OSTM1: variants seen among roughly 807,000 people sequenced by gnomAD.
OSTM1 encodes osteopetrosis-associated transmembrane protein 1.
OSTM1 carries 26 observed loss-of-function variants against 35.4 expected under a neutral mutation model. That is an observed-to-expected ratio of 0.73 (90% CI 0.54 to 1.02). OSTM1 has a LOEUF of 1.02. OSTM1 is among the 50% of genes least tolerant of loss of function. OSTM1 has a pLI of 0.00. For synonymous variants in OSTM1, 181 were observed against 165.0 expected, an observed-to-expected ratio of 1.10 and a Z score of -0.75; for missense variants, 366 against 409.6, an observed-to-expected ratio of 0.89 and a Z score of 0.92.
chr6:108,064,134 A>G (rs1421708707), intron 2 of OSTM1, 51 bp downstream of exon 2: 4 of 904,846 alleles, frequency 4.4e-6, no homozygotes, highest in South Asian at 1.3e-5. Context: ...AAAATCTGAC[A>G]TCTGTACTAC....
At chr6:108,050,953 A>C (rs1424813004) in intron 4 of OSTM1, 78 bp downstream of exon 4, 1 of 1,215,310 alleles carries the variant, frequency 8.2e-7, no homozygotes, top group Non-Finnish European at 1.2e-6. Context: ...CCACCCTATC[A>C]CCAAAAATAA....
At chr6:108,061,144 C>G (rs1433806450) in intron 2 of OSTM1, among the ~76,000 whole-genome samples, 1 of 141,116 alleles carries the variant, frequency 7.1e-6, no homozygotes, top group Non-Finnish European at 1.5e-5. Flanking sequence ...AAAGGATATG[C>G]TAAAAAAAAA....
At chr6:108,045,606 A>G (rs1771954121) in intron 5 of OSTM1, among the ~76,000 whole-genome samples, 1 of 152,192 alleles carries the variant, frequency 6.6e-6, no homozygotes, top group Admixed American at 6.5e-5. Flanking sequence ...CCTCAAAGAA[A>G]AGTGAGTTTT....
Position 108,049,282 on chromosome 6 carries a change from G to A in OSTM1, c.920C>T (p.Ser307Leu). Residue 307 changes from serine (S) to leucine (L), a missense_variant, in exon 5 of 6, where the codon TCA becomes TTA. Physicochemically the swap from Ser to Leu is moderately radical, Grantham distance 145 (BLOSUM62 -2). This residue lies in a region of OSTM1 where 125 missense variants were observed against 151.7 expected (regional missense o/e 0.82). Transcript: ENST00000193322. The part of the protein sequence containing the change: ...VVFYLSSFLH[S>L]EQKKRKLILP... The stretch of plus-strand genomic sequence containing the variant: ...AATGAGTTTGCGTTTCTTTTGCTCT[G>A]AGTGAAGAAAGCTACTAAGGTAGAA... 1 of 1,612,680 alleles carries A rather than the reference G, an allele frequency of 6.2e-7. No individual in the cohort carries two copies. The highest frequency in any genetic ancestry group is 8.5e-7 in the Non-Finnish European group (1 of 1,178,866).
At chr6:108,057,102 T>C (rs1451488848) in intron 2 of OSTM1, among the ~76,000 whole-genome samples, 1 of 151,994 alleles carries the variant, frequency 6.6e-6, no homozygotes, top group Non-Finnish European at 1.5e-5. Context: ...GTGGCGTGCA[T>C]CTGTGGTCCC....
intron 2 of OSTM1, among the ~76,000 whole-genome samples, chr6:108,054,856 A>G (rs1417398322): frequency 6.6e-6 from 1 of 152,250 alleles, no homozygotes; most frequent in East Asian, 1.9e-4. Context: ...TGATGGCACA[A>G]GGTCATAATC....
chr6:108,072,480 A>G (rs1772501689), intron 1 of OSTM1, among the ~76,000 whole-genome samples: 2 of 151,924 alleles, frequency 1.3e-5, no homozygotes, highest in Non-Finnish European at 2.9e-5. Context: ...TAAAAATACA[A>G]TAATTAGTTA....
chr6:108,071,717 T>G (rs961603282), intron 1 of OSTM1, among the ~76,000 whole-genome samples: 6 of 152,284 alleles, frequency 3.9e-5, no homozygotes, highest in Admixed American at 6.5e-5. Context: ...ACTTTTGAGC[T>G]AATGAATCAT....
At chr6:108,067,106 C>T (rs1447978549) in intron 1 of OSTM1, among the ~76,000 whole-genome samples, 2 of 152,202 alleles carry the variant, frequency 1.3e-5, no homozygotes, top group African/African-American at 4.8e-5. Flanking sequence ...GTACTCCTCA[C>T]TTTTCTGTCT....
intron 2 of OSTM1, among the ~76,000 whole-genome samples, chr6:108,061,262 A>G (rs973877160): frequency 3.9e-5 from 6 of 152,134 alleles, no homozygotes; most frequent in African/African-American, 1.4e-4. Context: ...ATCCCATTTT[A>G]GTTTTTCTTC....
At chr6:108,049,471 T>C in intron 4 of OSTM1, 53 bp from the exon 5 acceptor site, 1 of 1,596,980 alleles carries the variant, frequency 6.3e-7, no homozygotes. Flanking sequence ...TTGTCTTCAA[T>C]TTCTTATAAT....
intron 3 of OSTM1, among the ~76,000 whole-genome samples, chr6:108,053,128 C>G (rs893421676): frequency 2.0e-5 from 3 of 152,306 alleles, no homozygotes; most frequent in East Asian, 3.9e-4. Context: ...ATAATTTTCT[C>G]TAGTGTCTTT....
intron 2 of OSTM1, among the ~76,000 whole-genome samples, chr6:108,059,968 T>C (rs1466226704): frequency 1.3e-5 from 2 of 152,266 alleles, no homozygotes; most frequent in African/African-American, 2.4e-5. Flanking sequence ...TTTAAATTTC[T>C]ATATATTTTT....
At chr6:108,048,012 G>A (rs1772010023) in intron 5 of OSTM1, among the ~76,000 whole-genome samples, 1 of 152,168 alleles carries the variant, frequency 6.6e-6, no homozygotes, top group Non-Finnish European at 1.5e-5. Context: ...CTGAGCTACT[G>A]CATATTTACA....
intron 4 of OSTM1, 128 bp from the exon 5 acceptor site, chr6:108,049,546 T>C (rs1298408754): frequency 2.7e-6 from 4 of 1,490,880 alleles, no homozygotes; most frequent in Admixed American, 2.4e-5. Context: ...AAAAACCTAC[T>C]GATAGTTGAG....
chr6:108,044,988 A>G, intron 5 of OSTM1, 148 bp from the exon 6 acceptor site: 1 of 414,892 alleles, frequency 2.4e-6, no homozygotes, highest in South Asian at 7.1e-5. Flanking sequence ...AAACCTAATT[A>G]AAACTTTTTT....
At chr6:108,053,210 T>C (rs1772110956) in intron 3 of OSTM1, among the ~76,000 whole-genome samples, 1 of 152,250 alleles carries the variant, frequency 6.6e-6, no homozygotes, top group South Asian at 2.1e-4. Flanking sequence ...CTAAGTTAAA[T>C]GAAAAGAAGA....
At chr6:108,058,092 C>G (rs572448445) in intron 2 of OSTM1, among the ~76,000 whole-genome samples, 1 of 147,692 alleles carries the variant, frequency 6.8e-6, no homozygotes, top group South Asian at 2.2e-4. Flanking sequence ...TCACTGTCAC[C>G]CAGGCTGGAG....
In OSTM1 at chr6:108,042,738, A is replaced by G. The variant is rs1771894324; in HGVS notation, c.*2047T>C. The G allele has an allele frequency of 6.6e-6, 1 of 152,186 alleles. No homozygotes were observed. The highest frequency in any genetic ancestry group is 2.4e-5 in the African/African-American group (1 of 41,440). 9.4% of individuals were successfully genotyped at this position (152,186 alleles called of 1,614,324 possible). ...ATGGTACTCATAAAAGTAGGCATCTAAACTCAATACCTGAAAAACAAATGT... is the reference window on the plus strand; with the variant it reads ...ATGGTACTCATAAAAGTAGGCATCTGAACTCAATACCTGAAAAACAAATGT... On this transcript the variant is annotated 3_prime_UTR_variant, in exon 6 of 6. Coordinates refer to ENST00000193322, the MANE Select transcript of OSTM1 (RefSeq NM_014028.4).
Sources: allele counts gnomAD v4.1 joint callset (sites outside exome capture counted in the v4.1 genomes callset), GRCh38; gene constraint gnomAD v4.1.1; regional missense constraint gnomAD v4.1.1; transcripts MANE v1.5; gene names NCBI Gene and HGNC (gene_info 2026-07-23, HGNC 2026-07-21).